Variants in WDR59 observed in about 807,000 individuals in gnomAD.
WDR59 encodes GATOR2 complex protein WDR59.
In WDR59, 100 loss-of-function variants were observed where a neutral mutation model predicts 131.2. That is an observed-to-expected ratio of 0.76 (90% CI 0.65 to 0.90). The LOEUF (loss-of-function observed/expected upper bound fraction) is 0.90, where lower values mean the gene tolerates loss of function less well. Ranked by LOEUF, WDR59 falls within the 40% of genes least tolerant of loss-of-function variation. WDR59 has a pLI of 0.00. For synonymous variants in WDR59, 601 were observed against 466.2 expected (o/e 1.29, Z -3.72); for missense variants, 1,203 against 1,262.2 (o/e 0.95, Z 0.71).
At chr16:74,918,489 A>C (rs1002690170) in intron 10 of WDR59, among the ~76,000 whole-genome samples, 12 of 152,128 alleles carry the variant, frequency 7.9e-5, no homozygotes, top group African/African-American at 2.4e-4. Flanking sequence ...GGTTATTTCA[A>C]ATGCATCATG....
chr16:74,948,538 A>C lies in WDR59; in HGVS notation c.426T>G (p.Thr142=). 1 of 1,613,986 alleles carries C rather than the reference A, an allele frequency of 6.2e-7. No homozygotes were observed. Among genetic ancestry groups the C allele is most frequent in the South Asian group, 1.1e-5 (1 of 91,080 alleles). ...ACTCACCAACAGCAGACAGTGCAAC[A>C]GTAGGTTTCCTTGTGTCTCTGAAAT... The part of the protein sequence containing the change: ...IWDIKDTRKP[T]VALSAVAGAS... The change falls in exon 6 of 26, where the codon ACT becomes ACG. Residue 142 remains threonine, a synonymous_variant. Transcript: ENST00000262144.
At chr16:74,925,439 G>C (rs960275268) in intron 8 of WDR59, among the ~76,000 whole-genome samples, 1 of 151,582 alleles carries the variant, frequency 6.6e-6, no homozygotes. Flanking sequence ...AGCTACTCAG[G>C]AGGCTGAGGC....
chr16:74,917,936 A>C lies in WDR59; in HGVS notation c.959T>G (p.Met320Arg). The C allele has an allele frequency of 1.9e-6, 3 of 1,613,778 alleles. No homozygotes were observed. The highest frequency in any genetic ancestry group is 2.5e-6 in the Non-Finnish European group (3 of 1,179,890). ...ATAGCACTGCATACATACCCTCTGC[A>C]TCTGGGAATCCACCCGCCACATTCT... ...TLRMWRVDSQ[M>R]QRLCANDILD... The change falls in exon 11 of 26, where the codon ATG (methionine) becomes AGG (arginine). Residue 320 changes from methionine to arginine, a missense_variant. By Grantham distance (91) the Met-to-Arg change is moderately conservative (BLOSUM62 -1). Coordinates refer to ENST00000262144, the MANE Select transcript of WDR59 (RefSeq NM_030581.4).
intron 1 of WDR59, among the ~76,000 whole-genome samples, chr16:74,982,823 A>C (rs2034481181): frequency 6.6e-6 from 1 of 152,132 alleles, no homozygotes. Context: ...ACAGAGCAAA[A>C]TGGTGGGTAG....
intron 20 of WDR59, among the ~76,000 whole-genome samples, chr16:74,890,022 G>C (rs1197296456): frequency 6.6e-6 from 1 of 152,188 alleles, no homozygotes; most frequent in Non-Finnish European, 1.5e-5. Context: ...CTTTAGGGGA[G>C]TTATGTGCAC....
rs745522692 is a variant in WDR59 at position 74,949,813 on chromosome 16, A to G, written c.327-15T>C. 6.2e-6 allele frequency: 10 copies of G among 1,613,282 alleles called. No individual in the cohort carries two copies. The East Asian group carries it at 2.2e-4, about 36-fold the overall frequency. ...AGTCCAAGTCGCTGGGACACAAAGA[A>G]TAAACAGAACAAAGAAAAGGAAAAA... On this transcript the variant is annotated splice_polypyrimidine_tract_variant and intron_variant, in intron 4 of 25. Coordinates refer to ENST00000262144, the MANE Select transcript of WDR59 (RefSeq NM_030581.4).
At chr16:74,904,623 A>G (rs975126482) in intron 17 of WDR59, among the ~76,000 whole-genome samples, 1 of 143,062 alleles carries the variant, frequency 7.0e-6, no homozygotes, top group African/African-American at 2.4e-5. Context: ...AGTCAACACA[A>G]TTCCAATCAA....
At chr16:74,935,380 GT>G (rs2031720193) in intron 8 of WDR59, among the ~76,000 whole-genome samples, 1 of 152,038 alleles carries the variant, frequency 6.6e-6, no homozygotes, top group Admixed American at 6.6e-5. Flanking sequence ...TTTAATTGTA[GT>G]TAATGTTCTA....
chr16:74,951,210 G>T (rs867795626), intron 4 of WDR59, among the ~76,000 whole-genome samples: 51 of 151,200 alleles, frequency 3.4e-4, no homozygotes, highest in African/African-American at 1.1e-3. Context: ...CCCTGGACTG[G>T]ACTATATCCA....
chr16:74,948,697 A>G, intron 5 of WDR59, 141 bp from the exon 6 acceptor site: 1 of 730,964 alleles, frequency 1.4e-6, no homozygotes, highest in East Asian at 2.5e-5. Context: ...GGCCTTAAAA[A>G]GAAGTCTAAA....
chr16:74,886,577 T>A, intron 23 of WDR59, 181 bp from the exon 24 acceptor site: 2 of 687,660 alleles, frequency 2.9e-6, no homozygotes, highest in Non-Finnish European at 4.4e-6. Context: ...TTTGCGCAGG[T>A]ATTTATTACT....
At chr16:74,956,851 C>G (rs932993397) in intron 2 of WDR59, among the ~76,000 whole-genome samples, 4 of 152,166 alleles carry the variant, frequency 2.6e-5, no homozygotes, top group African/African-American at 9.7e-5. Flanking sequence ...TTCCCTACCA[C>G]ATCCATCCAT....
chr16:74,918,055 G>A (rs370098304), intron 10 of WDR59, 47 bp from the exon 11 acceptor site: 15 of 1,563,862 alleles, frequency 9.6e-6, no homozygotes, highest in Admixed American at 1.7e-5. Flanking sequence ...TGGATTCAAC[G>A]TCTATTTGCT....
intron 2 of WDR59, among the ~76,000 whole-genome samples, chr16:74,960,175 A>G (rs2033492820): frequency 6.6e-6 from 1 of 151,934 alleles, no homozygotes; most frequent in Non-Finnish European, 1.5e-5. Context: ...ACTAAAATAC[A>G]AAAAAGTTAG....
intron 7 of WDR59, among the ~76,000 whole-genome samples, chr16:74,941,499 T>C (rs983860880): frequency 6.6e-6 from 1 of 151,876 alleles, no homozygotes; most frequent in African/African-American, 2.4e-5. Context: ...TTCAAGACCA[T>C]CCTGGCCAAC....
chr16:74,908,021 T>G (rs1192899707), intron 17 of WDR59, among the ~76,000 whole-genome samples: 1 of 152,196 alleles, frequency 6.6e-6, no homozygotes, highest in Non-Finnish European at 1.5e-5. Context: ...AAAACTTTTT[T>G]TAATGCACAG....
At chr16:74,973,816 G>A (rs1243581320) in intron 1 of WDR59, among the ~76,000 whole-genome samples, 7 of 151,822 alleles carry the variant, frequency 4.6e-5, no homozygotes, top group Non-Finnish European at 1.0e-4. Context: ...CAGGCAGATC[G>A]CCTGAGGTCA....
intron 10 of WDR59, among the ~76,000 whole-genome samples, chr16:74,920,121 T>C (rs2030042968): frequency 6.6e-6 from 1 of 150,952 alleles, no homozygotes; most frequent in Admixed American, 6.6e-5. Flanking sequence ...AAAAGTAAAC[T>C]GGAACAACCT....
chr16:74,880,566 T>G (rs1006671047), intron 25 of WDR59, among the ~76,000 whole-genome samples: 2 of 152,220 alleles, frequency 1.3e-5, no homozygotes, highest in Non-Finnish European at 2.9e-5. Flanking sequence ...GAAACTTCTT[T>G]GGCCTAGGGA....
Sources: gnomAD v4.1 joint callset for allele counts (sites outside exome capture counted in the v4.1 genomes callset) on GRCh38, gnomAD v4.1.1 for gene constraint, MANE v1.5 for transcripts, NCBI Gene and HGNC (gene_info 2026-07-23, HGNC 2026-07-21) for gene names.